CFAP99: variants seen among roughly 807,000 people sequenced by gnomAD.
CFAP99 encodes cilia and flagella associated protein 99.
Under a neutral mutation model 82.7 loss-of-function variants are expected in CFAP99, and 84 were observed. That is an observed-to-expected ratio of 1.02 (90% CI 0.85 to 1.22). CFAP99 has a LOEUF of 1.22. Ranked by LOEUF, CFAP99 falls within the 50% of genes most tolerant of loss-of-function variation. The pLI, the probability that CFAP99 is intolerant of heterozygous loss-of-function variation, is 0.00. For synonymous variants in CFAP99, 456 were observed against 429.5 expected (o/e 1.06, Z -0.76); for missense variants, 1,059 against 983.5 (o/e 1.08, Z -1.03).
chr4:2,424,068 G>T (rs1416523681), intron 1 of CFAP99, among the ~76,000 whole-genome samples: 2 of 152,250 alleles, frequency 1.3e-5, no homozygotes, highest in Non-Finnish European at 2.9e-5. Flanking sequence ...CCTCCTTAGA[G>T]AGAGGCTCCT....
intron 9 of CFAP99, 32 bp downstream of exon 9, chr4:2,451,050 C>T (rs1409149467): frequency 1.3e-5 from 20 of 1,521,464 alleles, no homozygotes; most frequent in Non-Finnish European, 1.8e-5. Context: ...TCAGGCTGCT[C>T]TCCCTGGGCA....
At chr4:2,449,538 T>C in intron 6 of CFAP99, 132 bp from the exon 7 acceptor site, 1 of 728,362 alleles carries the variant, frequency 1.4e-6, no homozygotes. Flanking sequence ...TCCAGCCCTG[T>C]TTCTCCTCCA....
At chr4:2,451,462 G>T in intron 10 of CFAP99, 110 bp downstream of exon 10, 2 of 967,694 alleles carry the variant, frequency 2.1e-6, no homozygotes, top group South Asian at 1.5e-5. Flanking sequence ...GGACTCGGGG[G>T]TCACAACAGG....
chr4:2,438,859 C>T (rs1202091212), intron 4 of CFAP99, among the ~76,000 whole-genome samples: 3 of 152,198 alleles, frequency 2.0e-5, no homozygotes, highest in South Asian at 2.1e-4. Flanking sequence ...TGGGGAAATC[C>T]GATTCCGCTC....
chr4:2,459,948 T>C, intron 13 of CFAP99, 89 bp from the exon 14 acceptor site: 1 of 1,180,648 alleles, frequency 8.5e-7, no homozygotes, highest in Non-Finnish European at 1.2e-6. Context: ...GGGCAAGGGG[T>C]GGGCCTATGG....
exon 8 of CFAP99, chr4:2,449,983 G>A (rs1734265390): frequency 6.5e-7 from 1 of 1,536,066 alleles, no homozygotes. Context: ...GCCATGCCCA[G>A]GTCCTGCAGG....
At chr4:2,441,779 C>G (rs1231333071) in intron 4 of CFAP99, among the ~76,000 whole-genome samples, 2 of 152,172 alleles carry the variant, frequency 1.3e-5, no homozygotes, top group Non-Finnish European at 2.9e-5. Flanking sequence ...CAGCCTGGGC[C>G]TTGAAGAAGG....
intron 5 of CFAP99, 141 bp downstream of exon 5, chr4:2,443,383 G>T: frequency 1.6e-6 from 1 of 629,484 alleles, no homozygotes; most frequent in East Asian, 2.7e-5. Flanking sequence ...GTGTTCGGAT[G>T]AGATCTTCGG....
intron 1 of CFAP99, among the ~76,000 whole-genome samples, chr4:2,424,228 G>A (rs11946998): frequency 0.17 from 25,433 of 152,214 alleles, 2,373 homozygotes; most frequent in African/African-American, 0.25. Context: ...AGACCAGCCT[G>A]GCCAACATGG....
intron 2 of CFAP99, among the ~76,000 whole-genome samples, chr4:2,435,758 T>C (rs576425738): frequency 1.3e-5 from 2 of 152,050 alleles, no homozygotes; most frequent in African/African-American, 2.4e-5. Context: ...ATCCAGTCTT[T>C]ACAAAAAATT....
chr4:2,443,334 C>A, intron 5 of CFAP99, 92 bp downstream of exon 5: 1 of 755,648 alleles, frequency 1.3e-6, no homozygotes, highest in Non-Finnish European at 2.3e-6. Context: ...CGTTCCCCTT[C>A]CTGCTCCCAG....
exon 6 of CFAP99, chr4:2,445,262 C>T (rs1456647305): frequency 1.4e-6 from 2 of 1,410,228 alleles, no homozygotes; most frequent in Middle Eastern, 1.8e-4. Context: ...AGGCCCCGCA[C>T]CATTCCAGCG....
intron 6 of CFAP99, 104 bp downstream of exon 6, chr4:2,445,412 G>GCACCCTCAGCC: frequency 3.8e-6 from 4 of 1,046,276 alleles, no homozygotes; most frequent in Non-Finnish European, 4.9e-6. Context: ...TCCCCCCAGG[G>GCACCCTCAGCC]CTGAGGGTGC....
At chr4:2,425,825 G>A (rs534331755) in intron 1 of CFAP99, among the ~76,000 whole-genome samples, 1 of 152,228 alleles carries the variant, frequency 6.6e-6, no homozygotes, top group South Asian at 2.1e-4. Context: ...CTCTGGGCAA[G>A]CCTGTCCCCT....
intron 2 of CFAP99, 76 bp from the exon 3 acceptor site, chr4:2,436,798 C>A: frequency 1.6e-6 from 2 of 1,247,962 alleles, no homozygotes; most frequent in Non-Finnish European, 2.2e-6. Context: ...CCTGCCTTTG[C>A]CCAAGTGTCC....
intron 2 of CFAP99, among the ~76,000 whole-genome samples, chr4:2,431,090 C>T (rs181465856): frequency 2.0e-4 from 30 of 151,102 alleles, no homozygotes; most frequent in South Asian, 4.2e-4. Flanking sequence ...AAATGTTGGC[C>T]GGGCGCGGTG....
In CFAP99 at chr4:2,445,288, G is replaced by T. The variant is rs1253326774; in HGVS notation, c.622G>T (p.Val208Phe). Residue 208 changes from valine to phenylalanine, a missense_variant, in exon 6 of 15, where the codon GTC (valine) becomes TTC (phenylalanine). Coordinates refer to ENST00000635017, the Ensembl canonical transcript of CFAP99. ...CATTCCAGCGCCCGAACCAGTCCCG[G>T]TCGTGGCCAAGCCGAGACCCGTGAG... 2.2e-6 allele frequency: 3 copies of T among 1,365,584 alleles called. No homozygotes were observed. In the Admixed American group the frequency reaches 1.0e-4, roughly 46 times the overall value. 84.6% of individuals were successfully genotyped at this position (1,365,584 alleles called of 1,614,324 possible).
rs372125223 is a variant in CFAP99, at chr4:2,461,480, C to T, written c.1662-963C>T. ...CAATTCAGAGGAGGCACAGGGCAAC[C>T]GCTGCTGGTGCTGTACAGGGCGGGC... On this transcript the variant is annotated intron_variant, in intron 14 of 14. Coordinates refer to ENST00000635017, the Ensembl canonical transcript of CFAP99. Among the ~76,000 whole-genome samples the T allele has an allele frequency of 3.7e-4, 56 of 152,300 alleles. No homozygotes were observed. In the East Asian group the frequency reaches 0.01, roughly 27 times the overall value.
chr4:2,450,267 A>T (rs1190307394), intron 8 of CFAP99: 1 of 542,638 alleles, frequency 1.8e-6, no homozygotes, highest in Admixed American at 3.1e-5. Context: ...GCCTCTGGGT[A>T]TCTCCAGATG....
Sources: allele counts gnomAD v4.1 joint callset (sites outside exome capture counted in the v4.1 genomes callset), GRCh38; gene constraint gnomAD v4.1.1; transcripts MANE v1.5; gene names NCBI Gene and HGNC (gene_info 2026-07-23, HGNC 2026-07-21).